The following ZNF280C variants were observed in gnomAD, a reference collection of about 807,000 sequenced individuals.
ZNF280C encodes the protein zinc finger protein 280C.
ZNF280C carries 14 observed loss-of-function variants against 53.6 expected under a neutral mutation model. The observed-to-expected ratio is 0.26, with a 90% CI of 0.17 to 0.41. The LOEUF (loss-of-function observed/expected upper bound fraction) is 0.41. Among genes scored for constraint, ZNF280C ranks in the 10% least tolerant of loss-of-function variants. ZNF280C has a pLI of 1.00. For synonymous variants in ZNF280C, 203 were observed against 181.1 expected, an observed-to-expected ratio of 1.12 and a Z score of -0.97; for missense variants, 416 against 547.1, an observed-to-expected ratio of 0.76 and a Z score of 2.39.
At chrX:130,235,278 C>T (rs1038225151) in intron 8 of ZNF280C, among the ~76,000 whole-genome samples, 2 of 112,406 alleles carry the variant, frequency 1.8e-5, no homozygotes, top group Non-Finnish European at 3.8e-5. Flanking sequence ...CTTTGTGAGG[C>T]TGAGGCCAGT....
chrX:130,222,276 C>CCACACACACACACACACACA (rs59694150), intron 12 of ZNF280C, among the ~76,000 whole-genome samples: 48 of 69,930 alleles, frequency 6.9e-4, no homozygotes, highest in African/African-American at 8.8e-4. Context: ...CATTCAGACA[C>CCACACACACACACACACACA]CACACACACA....
At chrX:130,247,158 T>C (rs2032458954) in intron 2 of ZNF280C, among the ~76,000 whole-genome samples, 153 bp from the exon 3 acceptor site, 1 of 112,585 alleles carries the variant, frequency 8.9e-6, no homozygotes, top group Admixed American at 9.4e-5. Flanking sequence ...GTTTTGCTTT[T>C]GTTGCCCAGG....
Position 130,204,852 on chromosome X carries a change from G to C in ZNF280C, c.*125C>G. 2.0e-6 allele frequency: 1 copy of C among 512,780 alleles called. No homozygotes were observed. The highest frequency in any genetic ancestry group is 3.0e-6 in the Non-Finnish European group (1 of 333,765). 42.3% of individuals were successfully genotyped at this position (512,780 alleles called of 1,213,427 possible). On this transcript the variant is annotated 3_prime_UTR_variant, in exon 19 of 19. Coordinates refer to ENST00000370978, the MANE Select transcript of ZNF280C (RefSeq NM_017666.5). Reference sequence around the variant, plus strand: ...TGAAAGCTGAAAAGAGCTGAATAATGAGAGCTAGTGTCATAAACTTGGCTG... The same window carrying C: ...TGAAAGCTGAAAAGAGCTGAATAATCAGAGCTAGTGTCATAAACTTGGCTG...
intron 2 of ZNF280C, among the ~76,000 whole-genome samples, chrX:130,253,627 G>C (rs2032536445): frequency 9.0e-6 from 1 of 111,691 alleles, no homozygotes; most frequent in African/African-American, 3.3e-5. Flanking sequence ...GCCATCTGAC[G>C]TTCGACAAAG....
chrX:130,251,306 A>AAAAAAAC (rs1569439584), intron 2 of ZNF280C, among the ~76,000 whole-genome samples: 1 of 103,609 alleles, frequency 9.7e-6, no homozygotes, highest in African/African-American at 3.5e-5. Context: ...AAAAAAAAAA[A>AAAAAAAC]AGACCAGCAA....
In ZNF280C at chrX:130,215,777, A is replaced by G; in HGVS notation, c.1838+14T>C. ...ATTAAATTTGTATTGTATATCAGGA[A>G]TAAAAGATATTACCTTATGTTCTTC... On this transcript the variant is annotated intron_variant, in intron 14 of 18. Coordinates refer to ENST00000370978, the MANE Select transcript of ZNF280C (RefSeq NM_017666.5). The G allele has an allele frequency of 3.4e-6, 4 of 1,174,676 alleles. No homozygotes were observed. Among genetic ancestry groups the G allele is most frequent in the Non-Finnish European group, 4.6e-6 (4 of 874,912 alleles).
rs61571389 is a variant in ZNF280C at position 130,251,282 on chromosome X, C to CAAAAAAAAAAAAAAAAAAAAA, written c.32-4298_32-4278dup. 5.2e-4 allele frequency among the ~76,000 whole-genome samples: 8 copies of CAAAAAAAAAAAAAAAAAAAAA among 15,339 alleles called. 1 individual carries two copies. Among genetic ancestry groups the CAAAAAAAAAAAAAAAAAAAAA allele is most frequent in the African/African-American group, 1.9e-3 (5 of 2,590 alleles). The allele number at this position is 15,339 out of a possible 115,157, so 13.3% of individuals were successfully genotyped here. A position where few individuals can be genotyped will look rare whatever the true frequency, so the allele number is the denominator to read the frequency against. ...AGGCAAACGCAGTAAGGACCTGTCTCAAAAAAAAAAAAAAAAAAAAAAAAA... is the reference window on the plus strand; with the variant it reads ...AGGCAAACGCAGTAAGGACCTGTCTCAAAAAAAAAAAAAAAAAAAAAAAAAAAAAAAAAAAAAAAAAAAAAA... On this transcript the variant is annotated intron_variant, in intron 2 of 18. Coordinates refer to ENST00000370978, the MANE Select transcript of ZNF280C (RefSeq NM_017666.5).
chrX:130,208,714 TA>T (rs2032007683), intron 16 of ZNF280C, among the ~76,000 whole-genome samples: 1 of 109,559 alleles, frequency 9.1e-6, no homozygotes. Context: ...TTTTTTTTTT[TA>T]GATGGAGTTT....
intron 3 of ZNF280C, among the ~76,000 whole-genome samples, chrX:130,246,602 G>A (rs1428316824): frequency 2.7e-5 from 3 of 111,992 alleles, no homozygotes; most frequent in Non-Finnish European, 5.6e-5. Context: ...TTACAATGCT[G>A]TTCAGGTCAT....
intron 18 of ZNF280C, 49 bp from the exon 19 acceptor site, chrX:130,205,041 A>G (rs1429359315): frequency 9.6e-7 from 1 of 1,047,056 alleles, no homozygotes; most frequent in African/African-American, 2.0e-5. Flanking sequence ...TTATATTAAT[A>G]TTAATGATTC....
chrX:130,232,471 T>C (rs1209625478), intron 8 of ZNF280C, among the ~76,000 whole-genome samples: 3 of 110,050 alleles, frequency 2.7e-5, no homozygotes, highest in African/African-American at 9.9e-5. Flanking sequence ...ATCCAAAATA[T>C]ATGAGAAATT....
chrX:130,238,173 G>A lies in ZNF280C; in HGVS notation c.493+1409C>T, dbSNP rs1268447806. Among the ~76,000 whole-genome samples, 3 of 111,147 alleles carry A rather than the reference G, an allele frequency of 2.7e-5. No homozygotes were observed. The Admixed American group carries it at 2.9e-4, about 11-fold the overall frequency. On this transcript the variant is annotated intron_variant, in intron 6 of 18. Coordinates refer to ENST00000370978, the MANE Select transcript of ZNF280C (RefSeq NM_017666.5). ...TCTTAGACAGGAGTCCATTAATCAT[G>A]CTTCTGAACATATAGCACATATTAT...
chrX:130,246,151 T>C (rs1436873442), intron 3 of ZNF280C, among the ~76,000 whole-genome samples: 1 of 112,390 alleles, frequency 8.9e-6, no homozygotes, highest in Non-Finnish European at 1.9e-5. Context: ...CTAACAGAAA[T>C]CTAACAATCC....
chrX:130,268,567 C>A (rs756932241), intron 1 of ZNF280C, among the ~76,000 whole-genome samples, 195 bp downstream of exon 1: 126 of 111,975 alleles, frequency 1.1e-3, no homozygotes, highest in South Asian at 2.6e-3. Context: ...CTTCAGGGCC[C>A]GGCGCAAGAT....
chrX:130,258,125 T>A (rs2032594444), intron 2 of ZNF280C, among the ~76,000 whole-genome samples: 1 of 110,736 alleles, frequency 9.0e-6, no homozygotes, highest in South Asian at 3.8e-4. Flanking sequence ...CTCAAAAAAA[T>A]AAAAAATAAA....
chrX:130,250,082 A>G lies in ZNF280C; in HGVS notation c.32-3077T>C, dbSNP rs183020082. Among the ~76,000 whole-genome samples, 250 of 112,101 alleles carry G rather than the reference A, an allele frequency of 2.2e-3. 2 individuals are homozygous for G. Among genetic ancestry groups the G allele is most frequent in the Non-Finnish European group, 3.5e-3 (185 of 53,253 alleles). Reference sequence around the variant, plus strand: ...CTCAGAACTTGAAGACTGGTTTTCTAAGATAGCCAAAAAAATATAGAGAAA... The same window carrying G: ...CTCAGAACTTGAAGACTGGTTTTCTGAGATAGCCAAAAAAATATAGAGAAA... On this transcript the variant is annotated intron_variant, in intron 2 of 18. Coordinates refer to ENST00000370978, the MANE Select transcript of ZNF280C (RefSeq NM_017666.5).
At chrX:130,250,958 G>A (rs2032501099) in intron 2 of ZNF280C, among the ~76,000 whole-genome samples, 1 of 110,012 alleles carries the variant, frequency 9.1e-6, no homozygotes, top group Non-Finnish European at 1.9e-5. Context: ...ATTAGCCAGG[G>A]TGATGGTGAA....
chrX:130,223,601 T>C (rs1176996747), intron 12 of ZNF280C, among the ~76,000 whole-genome samples: 2 of 112,026 alleles, frequency 1.8e-5, no homozygotes, highest in Non-Finnish European at 3.8e-5. Context: ...ATAATGCATG[T>C]AAAAGCACCA....
chrX:130,263,927 A>G (rs1369164164), intron 1 of ZNF280C, among the ~76,000 whole-genome samples: 1 of 106,329 alleles, frequency 9.4e-6, no homozygotes, highest in Non-Finnish European at 1.9e-5. Context: ...CAGGAGGCTG[A>G]GGCAGGAGAA....
Sources: allele counts gnomAD v4.1 joint callset (sites outside exome capture counted in the v4.1 genomes callset), GRCh38; gene constraint gnomAD v4.1.1; transcripts MANE v1.5; gene names NCBI Gene and HGNC (gene_info 2026-07-23, HGNC 2026-07-21).